The following SEMA6D variants were observed in gnomAD, a reference collection of about 807,000 sequenced individuals.
The protein encoded by SEMA6D is semaphorin-6D.
A neutral mutation model predicts 106.6 loss-of-function variants in SEMA6D; 35 were observed. The observed-to-expected ratio is 0.33, with a 90% confidence interval of 0.25 to 0.44. The LOEUF (loss-of-function observed/expected upper bound fraction) is 0.44, where lower values mean the gene tolerates loss of function less well. Ranked by LOEUF, SEMA6D falls within the 20% of genes least tolerant of loss-of-function variation. The pLI, the probability that SEMA6D is intolerant of heterozygous loss-of-function variation, is 1.00. For synonymous variants in SEMA6D, 499 were observed against 487.7 expected (o/e 1.02, Z -0.31); for missense variants, 1,185 against 1,345.9 (o/e 0.88, Z 1.87).
rs576974687 is a variant in SEMA6D at position 47,303,037 on chromosome 15, T to G, written c.-238-109356T>G. Among the ~76,000 whole-genome samples the G allele has an allele frequency of 2.6e-5, 4 of 152,336 alleles. No individual in the cohort carries two copies. In the South Asian group the frequency reaches 8.3e-4, roughly 32 times the overall value. On this transcript the variant is annotated intron_variant, in intron 1 of 19. Transcript: ENST00000558014. ...GAGCTGGACTTGGGCCTATGCTGGTTGTTTCAGGGCAGACTGAAGATTCTG... is the reference window on the plus strand; with the variant it reads ...GAGCTGGACTTGGGCCTATGCTGGTGGTTTCAGGGCAGACTGAAGATTCTG...
At chr15:47,218,608 G>A (rs534943972) in intron 1 of SEMA6D, among the ~76,000 whole-genome samples, 38 of 152,292 alleles carry the variant, frequency 2.5e-4, no homozygotes, top group African/African-American at 8.7e-4. Flanking sequence ...CCTTCAAAGG[G>A]TGTGATTGAG....
intron 4 of SEMA6D, among the ~76,000 whole-genome samples, chr15:47,607,351 A>G (rs552914790): frequency 6.6e-6 from 1 of 152,284 alleles, no homozygotes; most frequent in African/African-American, 2.4e-5. Context: ...TACTTTCTCA[A>G]TTTATAGACA....
At position 47,284,604 on chromosome 15, in the gene SEMA6D, C is replaced by G. The variant is rs142409089; in HGVS notation, c.-239+100186C>G. On this transcript the variant is annotated intron_variant, in intron 1 of 19. Transcript: ENST00000558014. ...TAAGACCAGTTTTCTAAGATAATTA[C>G]AAAAACTATGTCCTAGTGAATGTGC... 5.1e-3 allele frequency among the ~76,000 whole-genome samples: 772 copies of G among 152,272 alleles called. 15 individuals are homozygous for G. Among genetic ancestry groups the G allele is most frequent in the African/African-American group, 0.018 (732 of 41,540 alleles).
chr15:47,409,976 A>T (rs2040732267), intron 1 of SEMA6D, among the ~76,000 whole-genome samples: 1 of 152,096 alleles, frequency 6.6e-6, no homozygotes, highest in Admixed American at 6.6e-5. Flanking sequence ...AGTCGGTGTT[A>T]GAACCAAATA....
rs141628550 is a variant in SEMA6D, at chr15:47,285,748, A to C, written c.-239+101330A>C. On this transcript the variant is annotated intron_variant, in intron 1 of 19. Transcript: ENST00000558014. ...AGAAATGCCTTGACTCACTTGTAGA[A>C]GTCCTTCAAGCATCCCTAAGTTTGC... 4.6e-5 allele frequency among the ~76,000 whole-genome samples: 7 copies of C among 152,348 alleles called. No homozygotes were observed. In the East Asian group the frequency reaches 1.4e-3, roughly 29 times the overall value.
chr15:47,260,782 G>A lies in SEMA6D; in HGVS notation c.-239+76364G>A, dbSNP rs148198115. ...ATTTAAAACCTGGGAGGGAAAAATA[G>A]TGCTTTCCTTGGACACTTATCAGTA... is the stretch of plus-strand genomic sequence containing the variant. On this transcript the variant is annotated intron_variant, in intron 1 of 19. Transcript: ENST00000558014. Among the ~76,000 whole-genome samples the A allele has an allele frequency of 4.1e-3, 627 of 152,250 alleles. 1 individual carries two copies. Among genetic ancestry groups the A allele is most frequent in the Non-Finnish European group, 6.9e-3 (472 of 68,006 alleles).
intron 2 of SEMA6D, among the ~76,000 whole-genome samples, chr15:47,419,644 C>G (rs140410858): frequency 6.6e-6 from 1 of 152,222 alleles, no homozygotes; most frequent in East Asian, 1.9e-4. Context: ...AGAGTAAAAG[C>G]TATCTCTTGA....
chr15:47,695,501 C>CACACACACGCATAG (rs1346337355), intron 4 of SEMA6D, among the ~76,000 whole-genome samples: 8 of 151,978 alleles, frequency 5.3e-5, no homozygotes, highest in Non-Finnish European at 1.0e-4. Context: ...AAATGTTACA[C>CACACACACGCATAG]ACACACACGC....
At chr15:47,203,586 G>A (rs2141107569) in intron 1 of SEMA6D, among the ~76,000 whole-genome samples, 1 of 152,232 alleles carries the variant, frequency 6.6e-6, no homozygotes, top group Non-Finnish European at 1.5e-5. Flanking sequence ...GGTCATTTAA[G>A]CTTCAACCAT....
rs181415922 is a variant in SEMA6D, at chr15:47,515,789, G to A, written c.-87+45244G>A. ...CCAGCTAGTAAAAGGCATGAGCTCT[G>A]CATGGTTCAACTTTTCAATGAGGCT... On this transcript the variant is annotated intron_variant, in intron 3 of 19. Coordinates refer to the SEMA6D transcript ENST00000558014. 4.7e-3 allele frequency among the ~76,000 whole-genome samples: 716 copies of A among 152,280 alleles called. 7 individuals are homozygous for A. Among genetic ancestry groups the A allele is most frequent in the South Asian group, 0.01 (49 of 4,832 alleles).
intron 1 of SEMA6D, among the ~76,000 whole-genome samples, chr15:47,386,790 T>G (rs188767620): frequency 1.3e-5 from 2 of 152,332 alleles, no homozygotes; most frequent in East Asian, 3.9e-4. Flanking sequence ...TTATAGCCAT[T>G]TAATAAGCAC....
At chr15:47,630,862 T>G (rs923317528) in intron 4 of SEMA6D, among the ~76,000 whole-genome samples, 6 of 151,910 alleles carry the variant, frequency 3.9e-5, no homozygotes, top group African/African-American at 1.4e-4. Context: ...ATCGTGTGAT[T>G]TTTTCTTTTT....
intron 4 of SEMA6D, among the ~76,000 whole-genome samples, chr15:47,621,370 C>G (rs1241836429): frequency 6.6e-6 from 1 of 152,112 alleles, no homozygotes; most frequent in South Asian, 2.1e-4. Flanking sequence ...CAAACTCTTC[C>G]CCCAGGACAG....
At chr15:47,540,562 C>T (rs1460776772) in intron 3 of SEMA6D, among the ~76,000 whole-genome samples, 1 of 152,142 alleles carries the variant, frequency 6.6e-6, no homozygotes, top group African/African-American at 2.4e-5. Context: ...AGCCAGTATG[C>T]ACCAGACGGA....
chr15:47,720,261 C>CTTTTTTTTTTTTTTTTTTTT (rs869122623), intron 1 of SEMA6D, among the ~76,000 whole-genome samples: 6 of 97,152 alleles, frequency 6.2e-5, no homozygotes, highest in Non-Finnish European at 8.1e-5. Context: ...AATAACCTTT[C>CTTTTTTTTTTTTTTTTTTTT]TTTTTTTTTT....
In SEMA6D at chr15:47,225,167, A is replaced by C. The variant is rs117481056; in HGVS notation, c.-239+40749A>C. On this transcript the variant is annotated intron_variant, in intron 1 of 19. Coordinates refer to the SEMA6D transcript ENST00000558014. ...GAAGGTACAAAGCTATTTCATATACACCCTGCCCCCTCCATGTGCTTCTTA... is the reference window on the plus strand; with the variant it reads ...GAAGGTACAAAGCTATTTCATATACCCCCTGCCCCCTCCATGTGCTTCTTA... Among the ~76,000 whole-genome samples the C allele has an allele frequency of 1.4e-4, 21 of 151,938 alleles. 1 individual carries two copies. The highest frequency in any genetic ancestry group is 4.6e-4 in the African/African-American group (19 of 41,502).
In SEMA6D at chr15:47,766,608, A is replaced by G; in HGVS notation, c.1647-8A>G. 1.9e-6 allele frequency: 3 copies of G among 1,612,472 alleles called. No homozygotes were observed. The highest frequency in any genetic ancestry group is 1.3e-5 in the African/African-American group (1 of 74,886). On this transcript the variant is annotated splice_polypyrimidine_tract_variant and splice_region_variant and intron_variant, in intron 15 of 18. Transcript: ENST00000536845. ...AACCGAAGACTTCTTTGCTTTCCATAACCACAGTGCTGAAGGATATGAACA... is the reference window on the plus strand; with the variant it reads ...AACCGAAGACTTCTTTGCTTTCCATGACCACAGTGCTGAAGGATATGAACA...
chr15:47,357,099 C>T (rs543680549), intron 1 of SEMA6D, among the ~76,000 whole-genome samples: 9 of 151,896 alleles, frequency 5.9e-5, no homozygotes, highest in Admixed American at 2.0e-4. Flanking sequence ...CTTTGGGAGG[C>T]GGAGGCGGGC....
At chr15:47,722,449 TTC>T (rs935603231) in intron 1 of SEMA6D, among the ~76,000 whole-genome samples, 8 of 152,348 alleles carry the variant, frequency 5.3e-5, no homozygotes, top group Admixed American at 1.3e-4. Context: ...TGCCGAAACT[TTC>T]TGTCGCTTTT....
Sources: allele counts gnomAD v4.1 joint callset (sites outside exome capture counted in the v4.1 genomes callset), GRCh38; gene constraint gnomAD v4.1.1; transcripts MANE v1.5; gene names NCBI Gene and HGNC (gene_info 2026-07-23, HGNC 2026-07-21).